The following SEMA3A variants were observed in gnomAD, a reference collection of about 807,000 sequenced individuals.
SEMA3A encodes the protein semaphorin 3A.
A neutral mutation model predicts 97.9 loss-of-function variants in SEMA3A; 29 were observed. The ratio of observed to expected loss-of-function variants is 0.30; its 90% CI spans 0.22 to 0.40. The LOEUF (loss-of-function observed/expected upper bound fraction) is 0.40, where lower values mean the gene tolerates loss of function less well. SEMA3A is among the 10% of genes least tolerant of loss of function. The probability of loss-of-function intolerance (pLI) is 1.00; values close to 1 mark genes in which losing one functional copy is unlikely to be tolerated. For synonymous variants in SEMA3A, 321 were observed against 323.7 expected, an observed-to-expected ratio of 0.99 and a Z score of 0.09; for missense variants, 763 against 951.3, an observed-to-expected ratio of 0.80 and a Z score of 2.60.
chr7:83,978,094 G>A (rs1273170265), intron 14 of SEMA3A, among the ~76,000 whole-genome samples: 1 of 151,802 alleles, frequency 6.6e-6, no homozygotes, highest in South Asian at 2.1e-4. Flanking sequence ...GAGCCACTGC[G>A]CCTGGCCATA....
At chr7:84,128,278 T>C (rs1795860972) in intron 3 of SEMA3A, among the ~76,000 whole-genome samples, 1 of 141,378 alleles carries the variant, frequency 7.1e-6, no homozygotes, top group South Asian at 2.3e-4. Context: ...AAAGAAAGGA[T>C]GAAAGGAAAG....
intron 15 of SEMA3A, among the ~76,000 whole-genome samples, chr7:83,966,957 C>T (rs1055655766): frequency 2.0e-5 from 3 of 151,988 alleles, no homozygotes; most frequent in East Asian, 1.9e-4. Context: ...GTGATTCGCC[C>T]GCCTCGGCCT....
chr7:84,087,536 G>A (rs1167254910), intron 4 of SEMA3A, among the ~76,000 whole-genome samples: 4 of 152,116 alleles, frequency 2.6e-5, no homozygotes, highest in Non-Finnish European at 5.9e-5. Flanking sequence ...CAATATTCAT[G>A]TAATTTTAAT....
At chr7:84,154,473 C>T (rs1379493105) in intron 1 of SEMA3A, among the ~76,000 whole-genome samples, 8 of 151,786 alleles carry the variant, frequency 5.3e-5, no homozygotes, top group African/African-American at 1.5e-4. Context: ...GTCAGGAGTT[C>T]GAGACCAGCC....
At chr7:84,420,325 G>A (rs1448508276) in intron 1 of SEMA3A, among the ~76,000 whole-genome samples, 1 of 151,700 alleles carries the variant, frequency 6.6e-6, no homozygotes, top group African/African-American at 2.4e-5. Context: ...GGGAAACCAG[G>A]AAAATGATGG....
intron 2 of SEMA3A, among the ~76,000 whole-genome samples, chr7:84,343,830 A>AAAAAC (rs1802231289): frequency 6.6e-6 from 1 of 152,106 alleles, no homozygotes; most frequent in South Asian, 2.1e-4. Flanking sequence ...CATTTCTATG[A>AAAAAC]AAAACAAAAC....
intron 1 of SEMA3A, among the ~76,000 whole-genome samples, chr7:84,451,512 C>A (rs1268198718): frequency 6.6e-6 from 1 of 152,148 alleles, no homozygotes; most frequent in Non-Finnish European, 1.5e-5. Context: ...TTTGATTACT[C>A]TTACCTATGA....
intron 4 of SEMA3A, among the ~76,000 whole-genome samples, chr7:84,073,028 A>T (rs1249082439): frequency 1.3e-5 from 2 of 152,126 alleles, no homozygotes; most frequent in African/African-American, 4.8e-5. Flanking sequence ...AGATTCACAA[A>T]CATAATATTA....
At chr7:84,083,704 C>G (rs1438432573) in intron 4 of SEMA3A, among the ~76,000 whole-genome samples, 1 of 151,920 alleles carries the variant, frequency 6.6e-6, no homozygotes, top group Non-Finnish European at 1.5e-5. Context: ...AAAATAATGA[C>G]TGACTCAGAT....
At chr7:84,488,745 G>C (rs1806647397) in intron 1 of SEMA3A, among the ~76,000 whole-genome samples, 1 of 152,094 alleles carries the variant, frequency 6.6e-6, no homozygotes, top group East Asian at 1.9e-4. Context: ...AAAATACTGG[G>C]GTAAAGTATT....
intron 1 of SEMA3A, among the ~76,000 whole-genome samples, chr7:84,456,038 C>T (rs1287862435): frequency 6.6e-6 from 1 of 151,830 alleles, no homozygotes; most frequent in Non-Finnish European, 1.5e-5. Context: ...TTTATGTGAT[C>T]CTTGGCAATT....
At chr7:84,481,549 A>T (rs985639630) in intron 1 of SEMA3A, among the ~76,000 whole-genome samples, 5 of 152,316 alleles carry the variant, frequency 3.3e-5, no homozygotes, top group African/African-American at 1.2e-4. Context: ...CAAAATTTAT[A>T]TCTTTGATTT....
At chr7:84,399,210 C>T (rs1230048016) in intron 1 of SEMA3A, among the ~76,000 whole-genome samples, 2 of 152,132 alleles carry the variant, frequency 1.3e-5, no homozygotes, top group Non-Finnish European at 2.9e-5. Flanking sequence ...AAAAATTCTG[C>T]CAGTGCCCAC....
At chr7:83,963,389 A>G in intron 15 of SEMA3A, 42 bp from the exon 16 acceptor site, 1 of 1,574,894 alleles carries the variant, frequency 6.3e-7, no homozygotes, top group Non-Finnish European at 8.6e-7. Context: ...ATATTAGAGA[A>G]GTAATTTCAA....
Position 84,086,397 on chromosome 7 carries a change from C to T in SEMA3A, c.453+24073G>A, listed in dbSNP as rs148701387. Among the ~76,000 whole-genome samples the T allele has an allele frequency of 2.6e-3, 387 of 147,950 alleles. 2 individuals are homozygous for T. Among genetic ancestry groups the T allele is most frequent in the African/African-American group, 9.1e-3 (364 of 40,074 alleles). On this transcript the variant is annotated intron_variant, in intron 4 of 16. Transcript: ENST00000265362. ...TTCCTATGCGATGATAACATATACA[C>T]TCTTTGCTATTATTATTTTTAATAT... is the stretch of plus-strand genomic sequence containing the variant.
upstream of SEMA3A, among the ~76,000 whole-genome samples, chr7:84,195,832 A>G (rs1373222189): frequency 6.6e-6 from 1 of 152,152 alleles, no homozygotes; most frequent in African/African-American, 2.4e-5. Flanking sequence ...GCTGAGTGTC[A>G]AGGAGTAACA....
intron 1 of SEMA3A, among the ~76,000 whole-genome samples, chr7:84,153,119 T>C (rs7781152): frequency 0.92 from 140,678 of 152,162 alleles, 65,106 homozygotes; most frequent in African/African-American, 0.96. Flanking sequence ...AATGCTACAC[T>C]CTCCTTTTGA....
chr7:84,378,443 G>A (rs1584275945), intron 1 of SEMA3A, among the ~76,000 whole-genome samples: 1 of 152,210 alleles, frequency 6.6e-6, no homozygotes, highest in East Asian at 1.9e-4. Context: ...ATCATTCTCT[G>A]CAAACTAACA....
intron 13 of SEMA3A, among the ~76,000 whole-genome samples, chr7:83,982,310 A>G (rs982717113): frequency 3.3e-5 from 5 of 152,190 alleles, no homozygotes; most frequent in African/African-American, 9.7e-5. Flanking sequence ...TCTACAATGC[A>G]TTTATTCTCA....
Sources: gnomAD v4.1 joint callset for allele counts (sites outside exome capture counted in the v4.1 genomes callset) on GRCh38, gnomAD v4.1.1 for gene constraint, MANE v1.5 for transcripts, NCBI Gene and HGNC (gene_info 2026-07-23, HGNC 2026-07-21) for gene names.